CS: variants seen among roughly 807,000 people sequenced by gnomAD.
The protein encoded by CS is citrate synthase, mitochondrial.
In CS, 13 loss-of-function variants were observed where a neutral mutation model predicts 61.4. The observed-to-expected ratio is 0.21, with a 90% CI of 0.14 to 0.34. The LOEUF (loss-of-function observed/expected upper bound fraction) is 0.34, where lower values mean the gene tolerates loss of function less well. CS is among the 10% of genes least tolerant of loss of function. The pLI is 1.00. For missense variants in CS, 278 were observed against 573.4 expected, an observed-to-expected ratio of 0.48 and a Z score of 5.26; for synonymous variants, 159 against 215.2, an observed-to-expected ratio of 0.74 and a Z score of 2.29.
At chr12:56,279,481 A>G (rs143279153) in intron 6 of CS, among the ~76,000 whole-genome samples, 2,167 of 152,192 alleles carry the variant, frequency 0.014, 50 homozygotes, top group African/African-American at 0.049. Flanking sequence ...TATTAAAAAC[A>G]CAAGGCCAGG....
At chr12:56,295,093 AC>A (rs1434659637) in intron 1 of CS, among the ~76,000 whole-genome samples, 11 of 148,328 alleles carry the variant, frequency 7.4e-5, no homozygotes, top group Non-Finnish European at 1.5e-4. Flanking sequence ...AATTTAATGA[AC>A]TTTTTTTTTT....
intron 6 of CS, among the ~76,000 whole-genome samples, chr12:56,278,694 G>A (rs1229317493): frequency 6.6e-6 from 1 of 151,114 alleles, no homozygotes; most frequent in Non-Finnish European, 1.5e-5. Context: ...CCGAGGTCGT[G>A]CCACTGCACT....
intron 1 of CS, among the ~76,000 whole-genome samples, chr12:56,297,989 AC>A (rs113382723): frequency 0.048 from 6,989 of 146,962 alleles, 226 homozygotes; most frequent in Non-Finnish European, 0.07. Context: ...GGGCTTTGCT[AC>A]CCCCCCCGCC....
At chr12:56,290,866 G>A (rs998403378) in intron 1 of CS, among the ~76,000 whole-genome samples, 7 of 151,540 alleles carry the variant, frequency 4.6e-5, no homozygotes, top group Admixed American at 2.0e-4. Flanking sequence ...CAATAAGGAC[G>A]TATATGCAAA....
At chr12:56,293,616 C>T (rs1011982066) in intron 1 of CS, among the ~76,000 whole-genome samples, 50 of 152,192 alleles carry the variant, frequency 3.3e-4, no homozygotes, top group African/African-American at 1.2e-3. Flanking sequence ...ACTCGGGAGG[C>T]TGAGGCAGAA....
chr12:56,294,358 C>T (rs1247162134), intron 1 of CS, among the ~76,000 whole-genome samples: 1 of 150,264 alleles, frequency 6.7e-6, no homozygotes, highest in Non-Finnish European at 1.5e-5. Flanking sequence ...CCTGTAATCT[C>T]AGCTAACCGG....
intron 1 of CS, chr12:56,291,161 G>T: frequency 2.3e-6 from 2 of 869,426 alleles, no homozygotes; most frequent in Non-Finnish European, 3.2e-6. Context: ...ACAGTGCTTT[G>T]TGCATAGCTG....
chr12:56,293,142 AAT>A (rs1873185607), intron 1 of CS, among the ~76,000 whole-genome samples: 1 of 152,054 alleles, frequency 6.6e-6, no homozygotes, highest in African/African-American at 2.4e-5. Flanking sequence ...CCACTTACTC[AAT>A]ATAGGTTATT....
chr12:56,279,839 G>A (rs1213624275), intron 6 of CS, among the ~76,000 whole-genome samples: 2 of 148,110 alleles, frequency 1.4e-5, no homozygotes, highest in South Asian at 2.2e-4. Flanking sequence ...GTGGTGGTGC[G>A]CACCTGTAGT....
intron 1 of CS, among the ~76,000 whole-genome samples, chr12:56,293,996 A>G (rs1443831484): frequency 6.6e-6 from 1 of 152,198 alleles, no homozygotes; most frequent in Non-Finnish European, 1.5e-5. Flanking sequence ...TCAGAGAACT[A>G]AAGCCATTTA....
At chr12:56,284,564 C>A (rs1446015755) in intron 3 of CS, among the ~76,000 whole-genome samples, 6 of 151,352 alleles carry the variant, frequency 4.0e-5, no homozygotes, top group Non-Finnish European at 4.4e-5. Flanking sequence ...GCACGTGCCA[C>A]CATGTCTGGC....
rs1238431243 is a variant in CS at position 56,297,430 on chromosome 12, T to C, written c.42+2730A>G. 2.0e-5 allele frequency among the ~76,000 whole-genome samples: 3 copies of C among 152,222 alleles called. No individual in the cohort carries two copies. In the South Asian group the frequency reaches 6.2e-4, roughly 31 times the overall value. On this transcript the variant is annotated intron_variant, in intron 1 of 10. Coordinates refer to ENST00000351328, the MANE Select transcript of CS (RefSeq NM_004077.3). ...TTTAAATTATGTGACATTTAAATTA[T>C]GTGACAGTGAGAGTAGAACAATAGA...
intron 2 of CS, 67 bp from the exon 3 acceptor site, chr12:56,286,090 G>A (rs1237891223): frequency 4.3e-6 from 6 of 1,402,608 alleles, no homozygotes; most frequent in Non-Finnish European, 6.1e-6. Context: ...CAAAGTAGGT[G>A]TGTCAAGAAT....
intron 10 of CS, 21 bp downstream of exon 10, chr12:56,273,557 TAGAGGGAAA>T: frequency 2.5e-6 from 4 of 1,604,818 alleles, no homozygotes; most frequent in South Asian, 1.1e-5. Context: ...TGGTACAAAT[TAGAGGGAAA>T]AGAGGGAAAG....
chr12:56,272,976 C>T lies in CS; in HGVS notation c.*108G>A. On this transcript the variant is annotated 3_prime_UTR_variant, in exon 11 of 11. Coordinates refer to ENST00000351328, the MANE Select transcript of CS (RefSeq NM_004077.3). ...TTAACCTCAAACATATTATCAGTGC[C>T]TCAGATATAATTTAATCTTAAGTCT... 2 of 647,904 alleles carry T rather than the reference C, an allele frequency of 3.1e-6. No homozygotes were observed. The allele number at this position is 647,904 out of a possible 1,614,324, so 40.1% of individuals were successfully genotyped here. A position where few individuals can be genotyped will look rare whatever the true frequency, so the allele number is the denominator to read the frequency against.
intron 3 of CS, among the ~76,000 whole-genome samples, chr12:56,284,319 C>CAAAAAAAAAAAAA (rs57352870): frequency 2.7e-5 from 2 of 73,362 alleles, no homozygotes; most frequent in Non-Finnish European, 5.4e-5. Flanking sequence ...AACTCCATCT[C>CAAAAAAAAAAAAA]AAAAAAAAAA....
chr12:56,286,756 G>T, intron 1 of CS, 111 bp from the exon 2 acceptor site: 2 of 947,958 alleles, frequency 2.1e-6, no homozygotes, highest in Non-Finnish European at 1.6e-6. Flanking sequence ...GTCTCTTAGG[G>T]CAGTTTGACA....
At chr12:56,287,928 G>C (rs950095465) in intron 1 of CS, among the ~76,000 whole-genome samples, 1 of 152,108 alleles carries the variant, frequency 6.6e-6, no homozygotes, top group East Asian at 1.9e-4. Context: ...AAAGCACTGG[G>C]ATTACAGGCG....
intron 1 of CS, among the ~76,000 whole-genome samples, chr12:56,295,951 C>CAAAAAAAAAAAAAAAAA (rs71081343): frequency 4.9e-5 from 2 of 40,480 alleles, no homozygotes; most frequent in African/African-American, 1.2e-4. Context: ...GAAACTGTCT[C>CAAAAAAAAAAAAAAAAA]AAAAAAAAAA....
Sources: allele counts gnomAD v4.1 joint callset (sites outside exome capture counted in the v4.1 genomes callset), GRCh38; gene constraint gnomAD v4.1.1; transcripts MANE v1.5; gene names NCBI Gene and HGNC (gene_info 2026-07-23, HGNC 2026-07-21).